The following PDS5B variants were observed in gnomAD, a reference collection of about 807,000 sequenced individuals.
PDS5B encodes the protein PDS5 cohesin associated factor B, also known as sister chromatid cohesion protein PDS5 homolog B.
A neutral mutation model predicts 184.1 loss-of-function variants in PDS5B; 51 were observed. The observed-to-expected ratio is 0.28, with a 90% CI of 0.22 to 0.35. The LOEUF is 0.35. Among genes scored for constraint, PDS5B ranks in the 10% least tolerant of loss-of-function variants. The probability of loss-of-function intolerance (pLI) is 1.00; values close to 1 mark genes in which losing one functional copy is unlikely to be tolerated. For synonymous variants in PDS5B, 566 were observed against 569.2 expected, an observed-to-expected ratio of 0.99 and a Z score of 0.08; for missense variants, 1,180 against 1,723.3, an observed-to-expected ratio of 0.68 and a Z score of 5.58.
chr13:32,630,333 G>T (rs180727721), intron 1 of PDS5B, among the ~76,000 whole-genome samples: 4 of 152,280 alleles, frequency 2.6e-5, no homozygotes, highest in African/African-American at 9.6e-5. Context: ...ATTTTGCCCT[G>T]CAGGGGACAC....
intron 1 of PDS5B, among the ~76,000 whole-genome samples, chr13:32,607,024 G>C (rs1167422271): frequency 6.6e-6 from 1 of 152,142 alleles, no homozygotes; most frequent in Non-Finnish European, 1.5e-5. Flanking sequence ...GGAGAAGTTT[G>C]TTATTACCGA....
intron 29 of PDS5B, 108 bp downstream of exon 29, chr13:32,759,798 G>A: frequency 3.4e-5 from 19 of 560,202 alleles, no homozygotes; most frequent in East Asian, 6.0e-5. Flanking sequence ...TTTTCAAGCT[G>A]GAAAATATAA....
At chr13:32,671,826 G>A (rs1296777153) in intron 7 of PDS5B, among the ~76,000 whole-genome samples, 3 of 152,150 alleles carry the variant, frequency 2.0e-5, no homozygotes, top group Admixed American at 2.0e-4. Flanking sequence ...AAGAGATTAG[G>A]GCAGCTTGTG....
intron 1 of PDS5B, among the ~76,000 whole-genome samples, chr13:32,587,567 T>C (rs1488072534): frequency 6.6e-6 from 1 of 152,142 alleles, no homozygotes; most frequent in Non-Finnish European, 1.5e-5. Flanking sequence ...TCGACAGTTA[T>C]TTTGGACGAA....
chr13:32,752,915 C>T (rs1052815500), intron 24 of PDS5B, among the ~76,000 whole-genome samples: 4 of 152,088 alleles, frequency 2.6e-5, no homozygotes, highest in African/African-American at 9.7e-5. Flanking sequence ...CCACCATGCC[C>T]AGCTAGAGTT....
chr13:32,741,059 T>TC, intron 21 of PDS5B, 21 bp from the exon 22 acceptor site: 1 of 1,338,856 alleles, frequency 7.5e-7, no homozygotes, highest in Non-Finnish European at 1.1e-6. Flanking sequence ...TGGTTTTTTT[T>TC]TTTTTCTCGT....
intron 1 of PDS5B, among the ~76,000 whole-genome samples, chr13:32,647,215 C>T (rs896516582): frequency 2.6e-5 from 4 of 152,044 alleles, no homozygotes; most frequent in Non-Finnish European, 5.9e-5. Context: ...TACATTTAGG[C>T]CTTTCTATCC....
intron 7 of PDS5B, among the ~76,000 whole-genome samples, chr13:32,671,223 C>T (rs1227708547): frequency 6.6e-6 from 1 of 152,070 alleles, no homozygotes; most frequent in Non-Finnish European, 1.5e-5. Flanking sequence ...AGAAGACCAA[C>T]TTGGTCATTG....
chr13:32,667,845 G>GT lies in PDS5B; in HGVS notation c.705+2dup. 1.3e-6 allele frequency: 2 copies of GT among 1,535,138 alleles called. No homozygotes were observed. The highest frequency in any genetic ancestry group is 1.8e-6 in the Non-Finnish European group (2 of 1,134,918). On this transcript the variant is annotated splice_donor_variant, in intron 7 of 34. Transcript: ENST00000315596. LOFTEE classifies it high-confidence loss of function. ...AGCTATTGAGCCATATATTACCAATGTAAGTCTTACTTGTAATTGGTTGTC... is the reference window on the plus strand; with the variant it reads ...AGCTATTGAGCCATATATTACCAATGTTAAGTCTTACTTGTAATTGGTTGTC...
chr13:32,652,080 A>AGATG (rs1950378647), intron 3 of PDS5B, 73 bp downstream of exon 3: 1 of 1,004,022 alleles, frequency 1.0e-6, no homozygotes, highest in African/African-American at 1.6e-5. Context: ...ATGGGAGTTA[A>AGATG]GGTATTTAGA....
At chr13:32,733,220 TC>T (rs1191745716) in intron 20 of PDS5B, among the ~76,000 whole-genome samples, 1 of 152,084 alleles carries the variant, frequency 6.6e-6, no homozygotes, top group Admixed American at 6.6e-5. Context: ...TCAGAGTAGT[TC>T]TTTCATTTTG....
At chr13:32,690,990 C>T (rs1384465145) in intron 13 of PDS5B, 1 of 151,818 alleles carries the variant, frequency 6.6e-6, no homozygotes, top group Non-Finnish European at 1.5e-5. Flanking sequence ...TTGTTTTCTC[C>T]AAAATCCATT....
intron 1 of PDS5B, among the ~76,000 whole-genome samples, chr13:32,598,777 T>TC: frequency 6.7e-6 from 1 of 149,678 alleles, no homozygotes; most frequent in East Asian, 1.9e-4. Context: ...TCTCTTTTTT[T>TC]TTTTTTTTTT....
At chr13:32,750,163 A>G (rs1406722810) in intron 24 of PDS5B, among the ~76,000 whole-genome samples, 1 of 152,146 alleles carries the variant, frequency 6.6e-6, no homozygotes, top group South Asian at 2.1e-4. Flanking sequence ...CTATGATTTC[A>G]CAGTTCTCTA....
At chr13:32,594,389 A>G (rs998057801) in intron 1 of PDS5B, among the ~76,000 whole-genome samples, 1 of 152,220 alleles carries the variant, frequency 6.6e-6, no homozygotes, top group African/African-American at 2.4e-5. Context: ...AGTGCTGGCT[A>G]GAGATACAAA....
intron 19 of PDS5B, among the ~76,000 whole-genome samples, chr13:32,719,639 C>A (rs1214265453): frequency 6.6e-6 from 1 of 152,074 alleles, no homozygotes; most frequent in Non-Finnish European, 1.5e-5. Context: ...AGTCTCTCTG[C>A]CCTTTTATTT....
chr13:32,736,609 C>G (rs969253098), intron 21 of PDS5B, among the ~76,000 whole-genome samples: 1 of 151,962 alleles, frequency 6.6e-6, no homozygotes, highest in Admixed American at 6.6e-5. Context: ...AGTTATTGTA[C>G]TTGGGGCTTA....
intron 17 of PDS5B, among the ~76,000 whole-genome samples, chr13:32,702,088 C>T (rs767595451): frequency 8.5e-5 from 13 of 152,052 alleles, no homozygotes; most frequent in Non-Finnish European, 1.8e-4. Flanking sequence ...ATAGCGCATA[C>T]TGACTTACTA....
chr13:32,722,533 A>G (rs9596149), intron 19 of PDS5B, among the ~76,000 whole-genome samples: 2 of 152,128 alleles, frequency 1.3e-5, no homozygotes, highest in East Asian at 3.9e-4. Flanking sequence ...CCATATAGGT[A>G]TGAGTAGGCT....
Sources: allele counts gnomAD v4.1 joint callset (sites outside exome capture counted in the v4.1 genomes callset), GRCh38; gene constraint gnomAD v4.1.1; transcripts MANE v1.5; gene names NCBI Gene and HGNC (gene_info 2026-07-23, HGNC 2026-07-21).